Variants in NSUN3 observed in about 807,000 individuals in gnomAD.
The protein encoded by NSUN3 is tRNA (cytosine(34)-C(5))-methyltransferase, mitochondrial.
NSUN3 carries 24 observed loss-of-function variants against 36.8 expected under a neutral mutation model. The ratio of observed to expected loss-of-function variants is 0.65; its 90% confidence interval spans 0.47 to 0.92. The LOEUF (loss-of-function observed/expected upper bound fraction) is 0.92, where lower values mean the gene tolerates loss of function less well. Among genes scored for constraint, NSUN3 ranks in the 40% least tolerant of loss-of-function variants. The pLI is 0.00. For missense variants in NSUN3, 381 were observed against 392.8 expected (o/e 0.97, Z 0.25); for synonymous variants, 146 against 145.2 (o/e 1.01, Z -0.04).
chr3:94,065,070 G>T (rs1336115892), intron 2 of NSUN3, among the ~76,000 whole-genome samples: 1 of 152,122 alleles, frequency 6.6e-6, no homozygotes, highest in East Asian at 1.9e-4. Flanking sequence ...GCATGGAAGT[G>T]GGAGAAATGT....
intron 5 of NSUN3, among the ~76,000 whole-genome samples, chr3:94,125,920 C>A (rs981288136): frequency 2.0e-5 from 3 of 151,978 alleles, no homozygotes; most frequent in Admixed American, 2.0e-4. Flanking sequence ...ATTAGCTGGG[C>A]ATGGTGGAGG....
At chr3:94,086,876 CTAAT>C (rs1648910569) in intron 3 of NSUN3, among the ~76,000 whole-genome samples, 1 of 152,096 alleles carries the variant, frequency 6.6e-6, no homozygotes, top group African/African-American at 2.4e-5. Flanking sequence ...AAGGCTTATA[CTAAT>C]TAATTCAGGA....
chr3:94,072,662 A>G (rs1376515693), intron 2 of NSUN3, among the ~76,000 whole-genome samples: 1 of 152,102 alleles, frequency 6.6e-6, no homozygotes, highest in East Asian at 1.9e-4. Flanking sequence ...AGAAATCTGT[A>G]TAGTTCAGTA....
chr3:94,092,744 A>C (rs1265001122), intron 3 of NSUN3, among the ~76,000 whole-genome samples: 1 of 151,824 alleles, frequency 6.6e-6, no homozygotes, highest in Admixed American at 6.6e-5. Flanking sequence ...TCTCTACTAA[A>C]AATACAAAAA....
At chr3:94,101,493 A>G (rs1037477653) in intron 5 of NSUN3, among the ~76,000 whole-genome samples, 2 of 152,168 alleles carry the variant, frequency 1.3e-5, no homozygotes, top group African/African-American at 4.8e-5. Flanking sequence ...AGTTCTTTGT[A>G]TACTTAAAGA....
chr3:94,075,108 AT>A lies in NSUN3; in HGVS notation c.123-8991del, dbSNP rs376702191. On this transcript the variant is annotated intron_variant, in intron 2 of 5. Coordinates refer to ENST00000314622, the MANE Select transcript of NSUN3 (RefSeq NM_022072.5). The stretch of plus-strand genomic sequence containing the variant: ...TCTGTTTATGTGATGGATTACTTTT[AT>A]TTTTTTTCAAGGATTAATTTAATTT... 5.6e-3 allele frequency among the ~76,000 whole-genome samples: 849 copies of A among 151,618 alleles called. 13 individuals carry two copies. Among genetic ancestry groups the A allele is most frequent in the African/African-American group, 0.02 (816 of 41,282 alleles).
chr3:94,079,631 A>G (rs547548253), intron 2 of NSUN3, among the ~76,000 whole-genome samples: 1 of 150,058 alleles, frequency 6.7e-6, no homozygotes, highest in East Asian at 2.0e-4. Context: ...ATTCCTTTTT[A>G]CTCTTTTTTC....
chr3:94,065,195 A>T (rs1221383636), intron 2 of NSUN3, among the ~76,000 whole-genome samples: 2 of 152,188 alleles, frequency 1.3e-5, no homozygotes, highest in African/African-American at 2.4e-5. Context: ...GACAGTCTGC[A>T]TGTCCAGTTT....
At chr3:94,104,422 C>T (rs2077377928) in intron 5 of NSUN3, among the ~76,000 whole-genome samples, 1 of 152,164 alleles carries the variant, frequency 6.6e-6, no homozygotes, top group African/African-American at 2.4e-5. Context: ...TATGTTAGCT[C>T]ACTCCTGAAC....
At chr3:94,115,897 T>C (rs140771615) in intron 5 of NSUN3, among the ~76,000 whole-genome samples, 2,153 of 152,318 alleles carry the variant, frequency 0.014, 43 homozygotes, top group African/African-American at 0.046. Context: ...GAAACGCAGA[T>C]ATTTGCCAAG....
In NSUN3 at chr3:94,080,239, C is replaced by T. The variant is rs147940141; in HGVS notation, c.123-3868C>T. On this transcript the variant is annotated intron_variant, in intron 2 of 5. Transcript: ENST00000314622. ...ACCTTGTTTGCCTGGGTATCACCAG[C>T]GGAGGCTGCAGAACAGCAAAGATTG... Among the ~76,000 whole-genome samples the T allele has an allele frequency of 1.5e-3, 226 of 152,240 alleles. 1 individual carries two copies. Among genetic ancestry groups the T allele is most frequent in the East Asian group, 0.013 (68 of 5,164 alleles).
chr3:94,092,935 A>G (rs1213152143), intron 3 of NSUN3, among the ~76,000 whole-genome samples: 1 of 150,188 alleles, frequency 6.7e-6, no homozygotes, highest in Non-Finnish European at 1.5e-5. Flanking sequence ...AAAAAAAAAA[A>G]AAAAAAAAAA....
intron 5 of NSUN3, among the ~76,000 whole-genome samples, chr3:94,106,851 A>G (rs1420670306): frequency 6.6e-6 from 1 of 152,258 alleles, no homozygotes; most frequent in East Asian, 1.9e-4. Flanking sequence ...TAGTATTAAA[A>G]AAAATGAAAT....
chr3:94,103,191 A>T (rs1020552226), intron 5 of NSUN3, among the ~76,000 whole-genome samples: 3 of 152,026 alleles, frequency 2.0e-5, no homozygotes, highest in Non-Finnish European at 2.9e-5. Context: ...CTGGCCTAAC[A>T]TTACCTACTT....
chr3:94,069,766 G>C (rs1458485451), intron 2 of NSUN3, among the ~76,000 whole-genome samples: 1 of 152,150 alleles, frequency 6.6e-6, no homozygotes, highest in East Asian at 1.9e-4. Context: ...CCTTGAATCA[G>C]AACTCCAATT....
chr3:94,123,695 A>G (rs1481194988), intron 5 of NSUN3, among the ~76,000 whole-genome samples: 3 of 152,060 alleles, frequency 2.0e-5, no homozygotes, highest in Non-Finnish European at 2.9e-5. Context: ...CTCCAGCCAC[A>G]CTGACCTCCG....
chr3:94,066,472 C>A (rs561516759), intron 2 of NSUN3, among the ~76,000 whole-genome samples: 37 of 152,178 alleles, frequency 2.4e-4, no homozygotes, highest in South Asian at 6.2e-4. Flanking sequence ...CTTTTTTTGG[C>A]CTATTTAGAA....
chr3:94,120,909 T>C (rs944493076), intron 5 of NSUN3, among the ~76,000 whole-genome samples: 1 of 152,234 alleles, frequency 6.6e-6, no homozygotes, highest in Non-Finnish European at 1.5e-5. Context: ...GAAAGTCTTA[T>C]ACCTATTGCT....
At chr3:94,068,932 C>T (rs2077215308) in intron 2 of NSUN3, among the ~76,000 whole-genome samples, 1 of 152,198 alleles carries the variant, frequency 6.6e-6, no homozygotes, top group Non-Finnish European at 1.5e-5. Context: ...GCTTTACACA[C>T]ATTTTCAGCC....
Sources: allele counts gnomAD v4.1 joint callset (sites outside exome capture counted in the v4.1 genomes callset), GRCh38; gene constraint gnomAD v4.1.1; transcripts MANE v1.5; gene names NCBI Gene and HGNC (gene_info 2026-07-23, HGNC 2026-07-21).